The following ASMTL variants were observed in gnomAD, a reference collection of about 807,000 sequenced individuals.
The protein encoded by ASMTL is acetylserotonin O-methyltransferase like.
In ASMTL, 57 loss-of-function variants were observed where a neutral mutation model predicts 60.3. The ratio of observed to expected loss-of-function variants is 0.95; its 90% CI spans 0.76 to 1.18. The LOEUF is 1.18. Among genes scored for constraint, ASMTL ranks in the 50% most tolerant of loss-of-function variants. The pLI is 0.00. For missense variants in ASMTL, 981 were observed against 852.6 expected (o/e 1.15, Z -1.88); for synonymous variants, 419 against 373.0 (o/e 1.12, Z -1.42).
chrX:1,412,580 C>G (rs1430852067), intron 12 of ASMTL, 152 bp downstream of exon 12: 1 of 1,005,948 alleles, frequency 9.9e-7, no homozygotes, highest in African/African-American at 1.6e-5. Context: ...CCAGGCTGGT[C>G]TGAAACTCCT....
chrX:1,452,520 C>T (rs2091422856), intron 1 of ASMTL, among the ~76,000 whole-genome samples: 1 of 151,318 alleles, frequency 6.6e-6, no homozygotes, highest in African/African-American at 2.4e-5. Context: ...CTCCCCACCC[C>T]CATGCCTAGG....
intron 6 of ASMTL, 53 bp downstream of exon 6, chrX:1,432,216 G>A (rs2090812312): frequency 6.9e-7 from 1 of 1,444,152 alleles, no homozygotes; most frequent in African/African-American, 1.4e-5. Context: ...ACGTGTGAGG[G>A]TGGCCAGGCT....
chrX:1,421,185 G>A lies in ASMTL; in HGVS notation c.1245+473C>T, dbSNP rs761639394. On this transcript the variant is annotated intron_variant, in intron 9 of 12. Transcript: ENST00000381317. ...TCAGCACGTTGGCCAGGTTGGTCTC[G>A]CACTCCTGACCTCAGGTGATCAGCC... is the stretch of plus-strand genomic sequence containing the variant. Among the ~76,000 whole-genome samples the A allele has an allele frequency of 3.3e-5, 5 of 151,850 alleles. No homozygotes were observed. The South Asian group carries it at 8.4e-4, about 25-fold the overall frequency.
At chrX:1,404,411 G>GGACA (rs2089722428) in intron 12 of ASMTL, among the ~76,000 whole-genome samples, 3 of 151,234 alleles carry the variant, frequency 2.0e-5, no homozygotes, top group East Asian at 2.0e-4. Flanking sequence ...ATGGATGGAT[G>GGACA]GATGGATGCA....
rs1475057561 is a variant in ASMTL at position 1,442,287 on chromosome X, A to C, written c.124T>G (p.Phe42Val). The C allele has an allele frequency of 1.9e-6, 3 of 1,613,704 alleles. No individual in the cohort carries two copies. Among genetic ancestry groups the C allele is most frequent in the African/African-American group, 2.7e-5 (2 of 74,850 alleles). The change falls in exon 2 of 13, where the codon TTT (phenylalanine) becomes GTT (valine). Residue 42 changes from phenylalanine (F) to valine (V), a missense_variant. Phe to Val is a conservative substitution (Grantham distance 50). Transcript: ENST00000381317. ...GAGGCTTTGTCCAGCTTCTCTTTAA[A>C]CTTGGAGGGGACCACCTCAAACCTG... ...GLRFEVVPSK[F>V]KEKLDKASFA...
chrX:1,439,702 G>C (rs1364409138), intron 2 of ASMTL, among the ~76,000 whole-genome samples: 1 of 151,654 alleles, frequency 6.6e-6, no homozygotes, highest in African/African-American at 2.4e-5. Flanking sequence ...CAAAATATCA[G>C]TCGGGCACCT....
intron 5 of ASMTL, among the ~76,000 whole-genome samples, chrX:1,433,769 C>T (rs1333875618): frequency 4.0e-5 from 6 of 151,828 alleles, no homozygotes; most frequent in African/African-American, 9.7e-5. Context: ...AGCTGTGCCA[C>T]GGCGGGCATG....
At chrX:1,405,011 T>C (rs1301269589) in intron 12 of ASMTL, among the ~76,000 whole-genome samples, 1 of 143,224 alleles carries the variant, frequency 7.0e-6, no homozygotes, top group African/African-American at 2.6e-5. Context: ...AGTGGATGGA[T>C]AGATGGATGA....
chrX:1,428,134 G>C lies in ASMTL; in HGVS notation c.510-13C>G. The C allele has an allele frequency of 6.3e-7, 1 of 1,594,816 alleles. No individual in the cohort carries two copies. Among genetic ancestry groups the C allele is most frequent in the Admixed American group, 1.7e-5 (1 of 59,402 alleles). On this transcript the variant is annotated splice_polypyrimidine_tract_variant and intron_variant, in intron 6 of 12. Coordinates refer to ENST00000381317, the MANE Select transcript of ASMTL (RefSeq NM_004192.4). ...GCCAGCTTTGTCCCTGGGTGGGCAG[G>C]GGAAGGTAAGAGGTGACAAGGAGGA...
At chrX:1,421,501 G>C (rs2149302266) in intron 9 of ASMTL, 157 bp downstream of exon 9, 1 of 243,762 alleles carries the variant, frequency 4.1e-6, no homozygotes, top group South Asian at 1.5e-4. Context: ...AGTGACACAA[G>C]AGCCACGGCA....
rs1404868928 is a variant in ASMTL at position 1,427,739 on chromosome X, A to G, written c.892T>C (p.Ser298Pro). The change falls in exon 7 of 13, where the codon TCC becomes CCC. Residue 298 changes from serine (S) to proline (P), a missense_variant. Physicochemically the swap from Ser to Pro is moderately conservative, Grantham distance 74. Transcript: ENST00000381317. ...GAGGAGACAGACACAGGTACCTTGGATAGCATAAAGCCCTCAATCAGCTCC... is the reference window on the plus strand; with the variant it reads ...GAGGAGACAGACACAGGTACCTTGGGTAGCATAAAGCCCTCAATCAGCTCC... ...LLELIEGFML[S>P]KGLLTACKLK... 3 of 1,605,254 alleles carry G rather than the reference A, an allele frequency of 1.9e-6. No individual in the cohort carries two copies. The highest frequency in any genetic ancestry group is 1.7e-6 in the Non-Finnish European group (2 of 1,173,814).
At chrX:1,428,212 T>C in intron 6 of ASMTL, 91 bp from the exon 7 acceptor site, 1 of 1,474,058 alleles carries the variant, frequency 6.8e-7, no homozygotes, top group Non-Finnish European at 9.1e-7. Flanking sequence ...GGTGGGTGGA[T>C]CACGAGGTCG....
At chrX:1,407,144 A>T (rs1438473871) in intron 12 of ASMTL, among the ~76,000 whole-genome samples, 2 of 147,708 alleles carry the variant, frequency 1.4e-5, no homozygotes, top group African/African-American at 5.1e-5. Context: ...CTGATGGTAG[A>T]TGATGGGTAG....
At chrX:1,432,472 G>C (rs2090823063) in intron 5 of ASMTL, 95 bp from the exon 6 acceptor site, 3 of 866,720 alleles carry the variant, frequency 3.5e-6, no homozygotes, top group Admixed American at 2.0e-5. Flanking sequence ...GTGTGTACTC[G>C]AGCGCAGCGC....
chrX:1,405,126 C>T (rs12834464), intron 12 of ASMTL, among the ~76,000 whole-genome samples: 2 of 109,260 alleles, frequency 1.8e-5, no homozygotes, highest in Admixed American at 2.0e-4. Flanking sequence ...GTAGATTATG[C>T]GTAGGTAGGT....
chrX:1,425,767 C>T (rs2090598619), intron 7 of ASMTL, 80 bp from the exon 8 acceptor site: 1 of 1,453,832 alleles, frequency 6.9e-7, no homozygotes, highest in Non-Finnish European at 9.4e-7. Flanking sequence ...AAGATGGAGG[C>T]CAACGCTGTC....
Position 1,419,257 on chromosome X carries a change from C to A in ASMTL, c.1246-143G>T, listed in dbSNP as rs1267556804. 5 of 920,990 alleles carry A rather than the reference C, an allele frequency of 5.4e-6. No homozygotes were observed. The Admixed American group carries it at 7.2e-5, about 13-fold the overall frequency. The allele number at this position is 920,990 out of a possible 1,614,324, so 57.1% of individuals were successfully genotyped here. On this transcript the variant is annotated intron_variant, in intron 9 of 12. Coordinates refer to ENST00000381317, the MANE Select transcript of ASMTL (RefSeq NM_004192.4). Reference sequence around the variant, plus strand: ...CCTGGGCTGCAGAGCGGGCTTCATGCCACAGCTGTGTGGGCTACTCTTGTC... The same window carrying A: ...CCTGGGCTGCAGAGCGGGCTTCATGACACAGCTGTGTGGGCTACTCTTGTC...
rs1377817112 is a variant in ASMTL, at chrX:1,427,922, C to G, written c.709G>C (p.Asp237His). ...CCGCCCCCCTCCACGTCACTGAGGT[C>G]TTCGAAGGTGTCCGCGGCCGGGATG... The part of the protein sequence containing the change: ...DSIPAADTFE[D>H]LSDVEGGGSE... Residue 237 changes from aspartate (D) to histidine (H), a missense_variant, in exon 7 of 13, where the codon GAC becomes CAC. Asp to His is a moderately conservative substitution (Grantham distance 81, BLOSUM62 -1). Transcript: ENST00000381317. 2 of 1,613,310 alleles carry G rather than the reference C, an allele frequency of 1.2e-6. No homozygotes were observed. The highest frequency in any genetic ancestry group is 1.7e-4 in the Middle Eastern group (1 of 6,060).
In ASMTL at chrX:1,452,685, G is replaced by A. The variant is rs546780909; in HGVS notation, c.93+63C>T. ...CTATCCCTAGAGTTCCTGAGTCGCTGGGCCCTCCGGGGTTCAGCCCCTCCG... is the reference window on the plus strand; with the variant it reads ...CTATCCCTAGAGTTCCTGAGTCGCTAGGCCCTCCGGGGTTCAGCCCCTCCG... On this transcript the variant is annotated intron_variant, in intron 1 of 12. Transcript: ENST00000381317. 1.8e-3 allele frequency: 2,474 copies of A among 1,380,392 alleles called. 28 individuals carry two copies. The South Asian group carries it at 0.021, about 12-fold the overall frequency. 85.5% of individuals were successfully genotyped at this position (1,380,392 alleles called of 1,614,324 possible).
Sources: allele counts gnomAD v4.1 joint callset (sites outside exome capture counted in the v4.1 genomes callset), GRCh38; gene constraint gnomAD v4.1.1; transcripts MANE v1.5; gene names NCBI Gene and HGNC (gene_info 2026-07-23, HGNC 2026-07-21).